The following DYM variants were observed in gnomAD, a reference collection of about 807,000 sequenced individuals.
DYM encodes dyggve-Melchior-Clausen syndrome protein.
In DYM, 78 loss-of-function variants were observed where a neutral mutation model predicts 93.1. That is an observed-to-expected ratio of 0.84 (90% CI 0.70 to 1.01). The LOEUF is 1.01. Among genes scored for constraint, DYM ranks in the 50% least tolerant of loss-of-function variants. The pLI is 0.00. For missense variants in DYM, 789 were observed against 845.0 expected (o/e 0.93, Z 0.82); for synonymous variants, 321 against 319.7 (o/e 1.00, Z -0.04).
At chr18:49,242,084 C>T (rs747282669) in intron 13 of DYM, among the ~76,000 whole-genome samples, 3 of 152,174 alleles carry the variant, frequency 2.0e-5, no homozygotes, top group South Asian at 4.1e-4. Context: ...CCCACCCCAC[C>T]ATTCCACTGT....
At chr18:49,398,584 A>G (rs993560364) in intron 2 of DYM, among the ~76,000 whole-genome samples, 6 of 152,220 alleles carry the variant, frequency 3.9e-5, no homozygotes, top group African/African-American at 1.4e-4. Flanking sequence ...TGCAGAAAGA[A>G]AGACATAAAC....
At chr18:49,069,934 G>A (rs565952708) in intron 17 of DYM, among the ~76,000 whole-genome samples, 7 of 152,174 alleles carry the variant, frequency 4.6e-5, no homozygotes, top group Non-Finnish European at 8.8e-5. Flanking sequence ...CCAGCTACTC[G>A]GGAGGCTGAG....
intron 15 of DYM, among the ~76,000 whole-genome samples, chr18:49,146,481 G>C (rs1053045765): frequency 4.6e-5 from 7 of 152,112 alleles, no homozygotes; most frequent in Non-Finnish European, 8.8e-5. Context: ...TAAACTGATA[G>C]GCAACTTCAG....
intron 16 of DYM, among the ~76,000 whole-genome samples, chr18:49,098,124 T>A (rs1004319422): frequency 6.6e-6 from 1 of 152,138 alleles, no homozygotes. Context: ...TCCCTAAATA[T>A]TTGTCACTAA....
At chr18:49,165,309 G>C (rs537690542) in intron 14 of DYM, among the ~76,000 whole-genome samples, 1 of 152,028 alleles carries the variant, frequency 6.6e-6, no homozygotes, top group African/African-American at 2.4e-5. Context: ...TAAATTTATT[G>C]TATCAAATAA....
intron 17 of DYM, among the ~76,000 whole-genome samples, chr18:49,082,041 G>A (rs1332214133): frequency 5.3e-5 from 8 of 152,232 alleles, no homozygotes; most frequent in Admixed American, 2.0e-4. Flanking sequence ...ATTCAGAGAT[G>A]TAGACAGGCA....
intron 5 of DYM, among the ~76,000 whole-genome samples, chr18:49,374,119 A>C (rs1479732670): frequency 3.9e-5 from 6 of 152,222 alleles, no homozygotes; most frequent in Admixed American, 2.0e-4. Context: ...ATAAACAATA[A>C]CTGTGAAAGA....
intron 17 of DYM, among the ~76,000 whole-genome samples, chr18:49,074,953 A>G (rs967361998): frequency 6.6e-6 from 1 of 152,214 alleles, no homozygotes; most frequent in Non-Finnish European, 1.5e-5. Context: ...TGAGACTACT[A>G]TGGAAAAGGC....
At chr18:49,356,606 T>C (rs1016672087) in intron 6 of DYM, among the ~76,000 whole-genome samples, 1 of 152,210 alleles carries the variant, frequency 6.6e-6, no homozygotes, top group African/African-American at 2.4e-5. Flanking sequence ...ATTTTCCCAA[T>C]AGCTAGGCCC....
rs1274895735 is a variant in DYM at position 49,080,989 on chromosome 18, G to A, written c.2025+16413C>T. On this transcript the variant is annotated intron_variant, in intron 17 of 17. Coordinates refer to ENST00000675505, the MANE Select transcript of DYM (RefSeq NM_001353214.3). Reference sequence around the variant, plus strand: ...CTCCTCACTTCCTAGATGGGATGGCGGCCGGGCAGAGACGCTCCTCACTTT... The same window carrying A: ...CTCCTCACTTCCTAGATGGGATGGCAGCCGGGCAGAGACGCTCCTCACTTT... 1.6e-3 allele frequency among the ~76,000 whole-genome samples: 240 copies of A among 150,740 alleles called. 2 individuals carry two copies. The highest frequency in any genetic ancestry group is 2.0e-3 in the Non-Finnish European group (137 of 67,722).
Position 49,044,066 on chromosome 18 carries a change from C to A in DYM, c.2164G>T (p.Asp722Tyr), listed in dbSNP as rs528865224. 36 of 1,613,578 alleles carry A rather than the reference C, an allele frequency of 2.2e-5. No homozygotes were observed. In the East Asian group the frequency reaches 3.1e-4, roughly 14 times the overall value. ...NPQDIQLFTM[D>Y]SD ...AGAGCATCCTGCCCTCAGTCGGAAT[C>A]CATGGTGAACAGCTGGATGTCCTGT... The change falls in exon 18 of 18, where the codon GAT becomes TAT. Residue 722 changes from aspartate (D) to tyrosine (Y), a missense_variant. This residue lies in a region of DYM where 114 missense variants were observed against 105.8 expected (regional missense o/e 1.08). Transcript: ENST00000675505.
At chr18:49,189,442 A>T (rs1464701655) in intron 14 of DYM, among the ~76,000 whole-genome samples, 3 of 152,210 alleles carry the variant, frequency 2.0e-5, no homozygotes, top group African/African-American at 7.2e-5. Context: ...AGCATTAGAT[A>T]ATATGCTGTT....
At chr18:49,375,962 G>C (rs1568339725) in intron 5 of DYM, among the ~76,000 whole-genome samples, 1 of 152,048 alleles carries the variant, frequency 6.6e-6, no homozygotes, top group Non-Finnish European at 1.5e-5. Context: ...TGGACCCTTG[G>C]ACTTACACCA....
intron 5 of DYM, among the ~76,000 whole-genome samples, chr18:49,377,936 G>A (rs963893321): frequency 2.0e-5 from 3 of 152,212 alleles, no homozygotes; most frequent in Admixed American, 6.5e-5. Context: ...CTGTCAGCCT[G>A]ATGAGGGCAG....
chr18:49,221,633 A>T (rs561954522), intron 13 of DYM, among the ~76,000 whole-genome samples: 2 of 152,350 alleles, frequency 1.3e-5, no homozygotes, highest in South Asian at 2.1e-4. Context: ...GGAAATCATC[A>T]TTCTCAGTAA....
At chr18:49,055,735 G>C (rs1445235338) in intron 17 of DYM, among the ~76,000 whole-genome samples, 2 of 152,230 alleles carry the variant, frequency 1.3e-5, no homozygotes, top group Non-Finnish European at 2.9e-5. Context: ...CTAAACGAAA[G>C]CACAGCAGCA....
In DYM at chr18:49,289,423, A is replaced by C. The variant is rs1278827767; in HGVS notation, c.764-2807T>G. On this transcript the variant is annotated intron_variant, in intron 8 of 17. Transcript: ENST00000675505. Reference sequence around the variant, plus strand: ...AATCAGTAAAAAAAAAAAAAAAAAAAAAAAAAAAAGTAATCCAAAATTAAA... The same window carrying C: ...AATCAGTAAAAAAAAAAAAAAAAAACAAAAAAAAAGTAATCCAAAATTAAA... Among the ~76,000 whole-genome samples the C allele has an allele frequency of 6.2e-5, 9 of 145,614 alleles. 1 individual carries two copies. The East Asian group carries it at 1.4e-3, about 22-fold the overall frequency.
chr18:49,088,492 A>C (rs566370574), intron 17 of DYM, among the ~76,000 whole-genome samples: 1 of 151,542 alleles, frequency 6.6e-6, no homozygotes, highest in East Asian at 2.0e-4. Context: ...GCACACCAAC[A>C]TGGTGCATGT....
chr18:49,192,648 G>A (rs1266426977), intron 14 of DYM, among the ~76,000 whole-genome samples: 1 of 151,910 alleles, frequency 6.6e-6, no homozygotes, highest in Non-Finnish European at 1.5e-5. Flanking sequence ...TTTTTATACT[G>A]TACAATGTGT....
Sources: gnomAD v4.1 joint callset for allele counts (sites outside exome capture counted in the v4.1 genomes callset) on GRCh38, gnomAD v4.1.1 for gene constraint, gnomAD v4.1.1 regional missense constraint, MANE v1.5 for transcripts, NCBI Gene and HGNC (gene_info 2026-07-23, HGNC 2026-07-21) for gene names.